ADARB2: variants seen among roughly 807,000 people sequenced by gnomAD.
ADARB2 encodes the protein adenosine deaminase RNA specific B2 (inactive).
Under a neutral mutation model 62.2 loss-of-function variants are expected in ADARB2, and 25 were observed. That is an observed-to-expected ratio of 0.40 (90% CI 0.29 to 0.56). The LOEUF (loss-of-function observed/expected upper bound fraction) is 0.56. Among genes scored for constraint, ADARB2 ranks in the 20% least tolerant of loss-of-function variants. The pLI is 0.43. For missense variants in ADARB2, 1,071 were observed against 1,077.4 expected (o/e 0.99, Z 0.08); for synonymous variants, 572 against 500.8 (o/e 1.14, Z -1.90).
intron 1 of ADARB2, among the ~76,000 whole-genome samples, chr10:1,660,550 G>A (rs1269246247): frequency 6.6e-6 from 1 of 152,106 alleles, no homozygotes; most frequent in Non-Finnish European, 1.5e-5. Flanking sequence ...AGAGCCCCTG[G>A]GATTTTGCCC....
intron 1 of ADARB2, among the ~76,000 whole-genome samples, chr10:1,401,067 C>A (rs567820711): frequency 6.6e-6 from 1 of 152,232 alleles, no homozygotes; most frequent in South Asian, 2.1e-4. Flanking sequence ...TCCCAGGACC[C>A]CTCGCCAGGG....
chr10:1,364,038 C>A, intron 2 of ADARB2, 121 bp from the exon 3 acceptor site: 1 of 1,312,984 alleles, frequency 7.6e-7, no homozygotes, highest in Non-Finnish European at 9.9e-7. Context: ...CCAGGTCAGG[C>A]CTGAGAAATG....
At chr10:1,278,338 T>C (rs1237448221) in intron 3 of ADARB2, among the ~76,000 whole-genome samples, 1 of 151,622 alleles carries the variant, frequency 6.6e-6, no homozygotes, top group African/African-American at 2.4e-5. Context: ...AGTGGGTACA[T>C]GTGCAGGTTT....
chr10:1,283,113 C>A (rs1370484321), intron 3 of ADARB2, among the ~76,000 whole-genome samples: 3 of 152,172 alleles, frequency 2.0e-5, no homozygotes, highest in Non-Finnish European at 2.9e-5. Flanking sequence ...AAAGGCTTCC[C>A]AGCATGGGAA....
At chr10:1,241,116 A>C (rs1176834864) in intron 5 of ADARB2, among the ~76,000 whole-genome samples, 1 of 152,126 alleles carries the variant, frequency 6.6e-6, no homozygotes, top group Non-Finnish European at 1.5e-5. Flanking sequence ...AAAATTAGCC[A>C]GGCGTGGTGG....
In ADARB2 at chr10:1,398,852, G is replaced by A. The variant is rs541385085; in HGVS notation, c.101-19692C>T. ...TCCGCAGCAGCAGCGCAGCCTGCACGAGGTTGCTGGGGGAAACAGACCGCT... is the reference window on the plus strand; with the variant it reads ...TCCGCAGCAGCAGCGCAGCCTGCACAAGGTTGCTGGGGGAAACAGACCGCT... On this transcript the variant is annotated intron_variant, in intron 1 of 9. Transcript: ENST00000381312. The surrounding 1 kb of genome is among the most constrained non-coding windows in gnomAD (Gnocchi z 4.1). Among the ~76,000 whole-genome samples the A allele has an allele frequency of 1.3e-5, 2 of 152,258 alleles. No homozygotes were observed. Among genetic ancestry groups the A allele is most frequent in the South Asian group, 4.2e-4 (2 of 4,814 alleles).
chr10:1,578,489 G>A (rs915088844), intron 1 of ADARB2, among the ~76,000 whole-genome samples: 1 of 152,208 alleles, frequency 6.6e-6, no homozygotes, highest in Non-Finnish European at 1.5e-5. Context: ...GTAGTGAGCT[G>A]GGAGCTGTGC....
At chr10:1,531,150 G>C (rs1045267849) in intron 1 of ADARB2, among the ~76,000 whole-genome samples, 1 of 152,214 alleles carries the variant, frequency 6.6e-6, no homozygotes, top group Non-Finnish European at 1.5e-5. Flanking sequence ...TAGGTTCGCT[G>C]AGTGCCTCCC....
At chr10:1,232,871 G>GGT (rs754684105) in intron 6 of ADARB2, among the ~76,000 whole-genome samples, 1 of 151,436 alleles carries the variant, frequency 6.6e-6, no homozygotes, top group African/African-American at 2.4e-5. Flanking sequence ...TAGTGTATGT[G>GGT]GTGTGTGTGT....
At chr10:1,200,416 T>C (rs1002701468) in intron 7 of ADARB2, 10 of 529,260 alleles carry the variant, frequency 1.9e-5, no homozygotes, top group Non-Finnish European at 3.3e-5. Flanking sequence ...GAAACTGTTA[T>C]GTTCTCTGTG....
intron 3 of ADARB2, among the ~76,000 whole-genome samples, chr10:1,331,894 C>T (rs1463576695): frequency 6.6e-6 from 1 of 152,142 alleles, no homozygotes; most frequent in East Asian, 1.9e-4. Context: ...TGGAATTATT[C>T]AGAGAGCTTT....
chr10:1,200,075 C>A lies in ADARB2; in HGVS notation c.1755G>T (p.Val585=). The A allele has an allele frequency of 6.3e-7, 1 of 1,580,476 alleles. No homozygotes were observed. The highest frequency in any genetic ancestry group is 8.6e-7 in the Non-Finnish European group (1 of 1,165,798). ...GGCCCGTGTGGTGCAGGCTGCCCAC[C>A]ACGATGCTCTGCAGGTACACGGGCT... ...FVEPVYLQSI[V]VGSLHHTGHL... The change falls in exon 8 of 10, where the codon GTG becomes GTT. Residue 585 remains valine (V), a synonymous_variant. Coordinates refer to ENST00000381312, the MANE Select transcript of ADARB2 (RefSeq NM_018702.4).
intron 1 of ADARB2, among the ~76,000 whole-genome samples, chr10:1,703,508 G>C (rs910165733): frequency 2.0e-5 from 3 of 152,192 alleles, no homozygotes; most frequent in Admixed American, 6.5e-5. Flanking sequence ...CCAGCAGAGA[G>C]GGGAGAGTTG....
In ADARB2 at chr10:1,185,323, C is replaced by G. The variant is rs191046347; in HGVS notation, c.1865-284G>C. On this transcript the variant is annotated intron_variant, in intron 8 of 9. Transcript: ENST00000381312. ...ATATAGCTCCGTCCAGATTCCCCCC[C>G]CTTCTGTAAATATTAGTTGAGTGAA... Among the ~76,000 whole-genome samples, 165 of 152,328 alleles carry G rather than the reference C, an allele frequency of 1.1e-3. 2 individuals carry two copies. The Middle Eastern group carries it at 0.017, about 16-fold the overall frequency.
chr10:1,265,478 T>G (rs1392429772), intron 4 of ADARB2, among the ~76,000 whole-genome samples: 2 of 152,230 alleles, frequency 1.3e-5, no homozygotes, highest in East Asian at 3.8e-4. Flanking sequence ...GGAACAACGC[T>G]GAACTACTGT....
At chr10:1,233,885 C>T in intron 5 of ADARB2, 40 bp from the exon 6 acceptor site, 1 of 1,588,628 alleles carries the variant, frequency 6.3e-7, no homozygotes, top group Non-Finnish European at 8.6e-7. Context: ...TATCACAAAC[C>T]AAACCAGAAA....
intron 1 of ADARB2, among the ~76,000 whole-genome samples, chr10:1,500,248 C>T (rs1033396962): frequency 7.2e-5 from 11 of 152,200 alleles, no homozygotes; most frequent in Non-Finnish European, 1.2e-4. Context: ...CCGTCTCACC[C>T]CATGTGTAAT....
intron 1 of ADARB2, among the ~76,000 whole-genome samples, chr10:1,495,570 G>A (rs1438295579): frequency 6.6e-6 from 1 of 152,200 alleles, no homozygotes; most frequent in African/African-American, 2.4e-5. Context: ...AAGATTTGGA[G>A]CTGCCTCCAG....
intron 1 of ADARB2, among the ~76,000 whole-genome samples, chr10:1,491,009 C>T (rs1342873557): frequency 1.3e-5 from 2 of 152,178 alleles, no homozygotes; most frequent in Admixed American, 6.5e-5. Flanking sequence ...AGTAACTGGC[C>T]AGAGGAAATG....
Sources: gnomAD v4.1 joint callset for allele counts (sites outside exome capture counted in the v4.1 genomes callset) on GRCh38, gnomAD v4.1.1 for gene constraint, Gnocchi (gnomAD v3.1) non-coding constraint, MANE v1.5 for transcripts, NCBI Gene and HGNC (gene_info 2026-07-23, HGNC 2026-07-21) for gene names.